The following RIPOR2 variants were observed in gnomAD, a reference collection of about 807,000 sequenced individuals.
The protein encoded by RIPOR2 is rho family-interacting cell polarization regulator 2.
In RIPOR2, 39 loss-of-function variants were observed where a neutral mutation model predicts 114.5. That is an observed-to-expected ratio of 0.34 (90% CI 0.26 to 0.44). RIPOR2 has a LOEUF of 0.44. Ranked by LOEUF, RIPOR2 falls within the 20% of genes least tolerant of loss-of-function variation. The probability of loss-of-function intolerance (pLI) is 1.00; values close to 1 mark genes in which losing one functional copy is unlikely to be tolerated. For missense variants in RIPOR2, 1,007 were observed against 1,255.1 expected (o/e 0.80, Z 2.99); for synonymous variants, 445 against 484.4 (o/e 0.92, Z 1.07).
chr6:25,021,232 T>G (rs1051952914), intron 1 of RIPOR2, among the ~76,000 whole-genome samples: 9 of 151,974 alleles, frequency 5.9e-5, no homozygotes, highest in Non-Finnish European at 1.2e-4. Flanking sequence ...AGAACTGAGA[T>G]GAGGAGGAGG....
intron 1 of RIPOR2, among the ~76,000 whole-genome samples, chr6:25,013,349 G>A (rs1775849425): frequency 6.6e-6 from 1 of 152,126 alleles, no homozygotes; most frequent in Non-Finnish European, 1.5e-5. Flanking sequence ...GAGCCAGTAA[G>A]TCAAGCATCT....
upstream of RIPOR2, among the ~76,000 whole-genome samples, chr6:24,939,771 T>C (rs1184234667): frequency 1.3e-5 from 2 of 152,130 alleles, no homozygotes; most frequent in Non-Finnish European, 1.5e-5. Flanking sequence ...GCTCCAATAA[T>C]TGGATTTGGG....
intron 1 of RIPOR2, among the ~76,000 whole-genome samples, chr6:24,992,221 G>A (rs867097740): frequency 6.6e-6 from 1 of 152,276 alleles, no homozygotes. Context: ...CACTTGGCTT[G>A]AGTGACCTTT....
At chr6:24,881,093 A>T (rs1766309174) in intron 1 of RIPOR2, among the ~76,000 whole-genome samples, 1 of 152,092 alleles carries the variant, frequency 6.6e-6, no homozygotes, top group African/African-American at 2.4e-5. Flanking sequence ...ATACAAAAAA[A>T]ATTAGCTGGG....
chr6:24,925,157 C>T (rs190088705), intron 1 of RIPOR2, among the ~76,000 whole-genome samples: 55 of 152,320 alleles, frequency 3.6e-4, no homozygotes, highest in African/African-American at 1.1e-3. Flanking sequence ...ATGACTTATC[C>T]GTTTCTGCCT....
intron 8 of RIPOR2, among the ~76,000 whole-genome samples, chr6:24,854,068 G>A (rs1292739254): frequency 6.6e-6 from 1 of 150,460 alleles, no homozygotes; most frequent in Non-Finnish European, 1.5e-5. Flanking sequence ...ATAGTGAACC[G>A]TGATTACACC....
At chr6:24,934,163 C>T (rs960296314) in intron 1 of RIPOR2, among the ~76,000 whole-genome samples, 1 of 152,146 alleles carries the variant, frequency 6.6e-6, no homozygotes, top group Non-Finnish European at 1.5e-5. Context: ...CCAATTTTTC[C>T]GTTCTAAGCT....
chr6:24,891,631 G>C (rs1767368096), intron 1 of RIPOR2, among the ~76,000 whole-genome samples: 2 of 152,068 alleles, frequency 1.3e-5, no homozygotes, highest in Admixed American at 1.3e-4. Context: ...CAACACCAAA[G>C]ACAAAAGAAT....
chr6:24,869,207 G>A lies in RIPOR2; in HGVS notation c.448-60C>T, dbSNP rs1383011903. ...TTTATAGTTCAATTGACTTAGGCTT[G>A]TGAGAATATCTTGATTATATCATAC... On this transcript the variant is annotated intron_variant, in intron 5 of 21. Transcript: ENST00000643898. 4 of 793,928 alleles carry A rather than the reference G, an allele frequency of 5.0e-6. No homozygotes were observed. The East Asian group carries it at 1.1e-4, about 21-fold the overall frequency. 49.2% of individuals were successfully genotyped at this position (793,928 alleles called of 1,614,324 possible).
At chr6:24,978,384 C>T (rs1194017353) in intron 1 of RIPOR2, among the ~76,000 whole-genome samples, 1 of 152,122 alleles carries the variant, frequency 6.6e-6, no homozygotes, top group Non-Finnish European at 1.5e-5. Flanking sequence ...TGCCGCCATA[C>T]TGCTCGCATG....
chr6:24,900,767 A>C (rs956698080), intron 1 of RIPOR2, among the ~76,000 whole-genome samples: 6 of 152,196 alleles, frequency 3.9e-5, no homozygotes, highest in African/African-American at 9.7e-5. Context: ...TTTTCTGTCA[A>C]TATGCAATAT....
chr6:24,972,880 A>G (rs9393597), intron 1 of RIPOR2, among the ~76,000 whole-genome samples: 23,381 of 152,210 alleles, frequency 0.15, 2,494 homozygotes, highest in East Asian at 0.47. Flanking sequence ...CTGAGTAATG[A>G]CTTTATTTTA....
chr6:24,811,657 C>CTTTTTTTTTTTTTTTTTTTTTTTTTT (rs1222503239), intron 20 of RIPOR2, among the ~76,000 whole-genome samples: 5 of 21,730 alleles, frequency 2.3e-4, no homozygotes, highest in African/African-American at 3.4e-4. Flanking sequence ...TCGTTTAGTA[C>CTTTTTTTTTTTTTTTTTTTTTTTTTT]TTTTTTTTTT....
At chr6:25,028,173 C>G (rs1456286962) in intron 1 of RIPOR2, among the ~76,000 whole-genome samples, 1 of 152,208 alleles carries the variant, frequency 6.6e-6, no homozygotes, top group Non-Finnish European at 1.5e-5. Flanking sequence ...CAGGAAGATG[C>G]AGTTTCCAGT....
At position 24,821,995 on chromosome 6, in the gene RIPOR2, T is replaced by A. The variant is rs542128836; in HGVS notation, c.2868+3231A>T. On this transcript the variant is annotated intron_variant, in intron 19 of 21. Transcript: ENST00000643898. ...TAGTTAGCCTTCAAGTCCCTTGATA[T>A]GAGTAAAAGAGGGAAATGGCAGGAG... Among the ~76,000 whole-genome samples, 4 of 152,302 alleles carry A rather than the reference T, an allele frequency of 2.6e-5. No individual in the cohort carries two copies. In the South Asian group the frequency reaches 8.3e-4, roughly 32 times the overall value.
intron 12 of RIPOR2, among the ~76,000 whole-genome samples, chr6:24,847,237 G>A (rs1762403011): frequency 1.3e-5 from 2 of 152,204 alleles, no homozygotes; most frequent in South Asian, 4.1e-4. Context: ...ACAGGCGTGA[G>A]CCACCATGCT....
chr6:24,920,889 C>T lies in RIPOR2; in HGVS notation c.61+14949G>A, dbSNP rs79854523. On this transcript the variant is annotated intron_variant, in intron 1 of 21. Transcript: ENST00000643898. ...CATCCTTGACCACTTTTTCCCATAC[C>T]CCCAGTATTCAGCCAGTATCAGGCC... is the stretch of plus-strand genomic sequence containing the variant. Among the ~76,000 whole-genome samples, 140 of 152,230 alleles carry T rather than the reference C, an allele frequency of 9.2e-4. 1 individual carries two copies. In the East Asian group the frequency reaches 0.026, roughly 28 times the overall value.
upstream of RIPOR2, among the ~76,000 whole-genome samples, chr6:24,939,532 T>C (rs1313371578): frequency 6.6e-6 from 1 of 152,194 alleles, no homozygotes; most frequent in East Asian, 1.9e-4. Context: ...GGGCAGAAGA[T>C]TCTTTCTCAA....
At chr6:24,895,029 T>A (rs80013445) in intron 1 of RIPOR2, among the ~76,000 whole-genome samples, 3,323 of 152,234 alleles carry the variant, frequency 0.022, 125 homozygotes, top group African/African-American at 0.073. Context: ...AGGCCGTATC[T>A]TAGAATTACC....
Sources: gnomAD v4.1 joint callset for allele counts (sites outside exome capture counted in the v4.1 genomes callset) on GRCh38, gnomAD v4.1.1 for gene constraint, MANE v1.5 for transcripts, NCBI Gene and HGNC (gene_info 2026-07-23, HGNC 2026-07-21) for gene names.